The following ZFP64 variants were observed in gnomAD, a reference collection of about 807,000 sequenced individuals.
ZFP64 encodes ZFP64 zinc finger protein, also known as zinc finger protein 64.
A neutral mutation model predicts 51.6 loss-of-function variants in ZFP64; 14 were observed. The observed-to-expected ratio is 0.27, with a 90% CI of 0.18 to 0.42. ZFP64 has a LOEUF of 0.42. Among genes scored for constraint, ZFP64 ranks in the 10% least tolerant of loss-of-function variants. ZFP64 has a pLI of 1.00. For missense variants in ZFP64, 754 were observed against 906.8 expected (o/e 0.83, Z 2.16); for synonymous variants, 375 against 361.4 (o/e 1.04, Z -0.43).
chr20:52,182,484 CA>C (rs1983681564), intron 2 of ZFP64, among the ~76,000 whole-genome samples: 1 of 152,108 alleles, frequency 6.6e-6, no homozygotes, highest in Non-Finnish European at 1.5e-5. Context: ...TTTGGGAGCC[CA>C]AGATGGGAGG....
chr20:52,172,424 A>G (rs568471513), intron 2 of ZFP64, among the ~76,000 whole-genome samples: 42 of 152,238 alleles, frequency 2.8e-4, no homozygotes, highest in African/African-American at 9.9e-4. Context: ...CAAGTCGGGC[A>G]CACTGCAAGT....
At chr20:52,087,317 G>C (rs1025556807) in intron 8 of ZFP64, among the ~76,000 whole-genome samples, 1 of 152,068 alleles carries the variant, frequency 6.6e-6, no homozygotes, top group Non-Finnish European at 1.5e-5. Flanking sequence ...TCAGAAACCA[G>C]ACTTCAGGAC....
At chr20:52,173,872 ACTCCCGACCTCAAGTAAT>A (rs1982958760) in intron 2 of ZFP64, among the ~76,000 whole-genome samples, 1 of 151,030 alleles carries the variant, frequency 6.6e-6, no homozygotes, top group Admixed American at 6.6e-5. Flanking sequence ...CTCATCTTGA[ACTCCCGACCTCAAGTAAT>A]CTCCCTGCCT....
At chr20:52,098,630 C>A (rs772014454) in intron 5 of ZFP64, 1 of 1,612,590 alleles carries the variant, frequency 6.2e-7, no homozygotes, top group Non-Finnish European at 8.5e-7. Flanking sequence ...CATTTATAAC[C>A]ACCATGCTAA....
chr20:52,120,878 T>C (rs1426308034), intron 5 of ZFP64, among the ~76,000 whole-genome samples: 2 of 152,070 alleles, frequency 1.3e-5, no homozygotes, highest in Non-Finnish European at 2.9e-5. Flanking sequence ...GGTTTCGCCA[T>C]GTTGGCCAGG....
At chr20:52,176,373 C>T (rs972030163) in intron 2 of ZFP64, among the ~76,000 whole-genome samples, 1 of 152,054 alleles carries the variant, frequency 6.6e-6, no homozygotes, top group Non-Finnish European at 1.5e-5. Flanking sequence ...ACCACAATCT[C>T]TCTAAAATGT....
chr20:52,128,912 T>A (rs565731136), intron 5 of ZFP64, among the ~76,000 whole-genome samples: 4 of 138,742 alleles, frequency 2.9e-5, no homozygotes, highest in East Asian at 3.9e-4. Flanking sequence ...GACCTTTTTT[T>A]AAATTTTCTT....
intron 5 of ZFP64, among the ~76,000 whole-genome samples, chr20:52,130,970 G>C (rs1979695354): frequency 6.6e-6 from 1 of 152,066 alleles, no homozygotes; most frequent in African/African-American, 2.4e-5. Context: ...GGAGGCTGAA[G>C]CAGGAGTATG....
chr20:52,102,742 G>T (rs377476451), intron 5 of ZFP64, among the ~76,000 whole-genome samples: 2 of 152,278 alleles, frequency 1.3e-5, no homozygotes, highest in East Asian at 3.9e-4. Flanking sequence ...GTGTCCCACT[G>T]GATAAGCTAC....
chr20:52,151,151 TA>T, downstream of ZFP64: 1 of 761,576 alleles, frequency 1.3e-6, no homozygotes, highest in Non-Finnish European at 1.6e-6. Context: ...GTGGAGGAGG[TA>T]AGATGATTGT....
intron 7 of ZFP64, among the ~76,000 whole-genome samples, chr20:52,095,087 A>T (rs2078974127): frequency 6.6e-6 from 1 of 152,248 alleles, no homozygotes; most frequent in Non-Finnish European, 1.5e-5. Context: ...TAAGCAATCC[A>T]AAAGAACCAC....
intron 5 of ZFP64, among the ~76,000 whole-genome samples, chr20:52,138,477 GA>G (rs965471921): frequency 1.4e-4 from 21 of 146,656 alleles, no homozygotes; most frequent in African/African-American, 3.0e-4. Context: ...CCAGGCAAAT[GA>G]AAAAAAAATA....
chr20:52,117,484 TGGTG>T lies in ZFP64; in HGVS notation c.764-18901_764-18898del, dbSNP rs535267628. On this transcript the variant is annotated intron_variant, in intron 5 of 8. Coordinates refer to the ZFP64 transcript ENST00000361387. ...AAACTAAAAAATCAGCTAGGCATGG[TGGTG>T]GGCACCTGTAATCCCAGCTACTCGG... is the stretch of plus-strand genomic sequence containing the variant. 2.0e-3 allele frequency among the ~76,000 whole-genome samples: 299 copies of T among 152,178 alleles called. 1 individual carries two copies. Among genetic ancestry groups the T allele is most frequent in the African/African-American group, 6.8e-3 (284 of 41,526 alleles).
At chr20:52,084,539 C>T in exon 9 of ZFP64, 5 of 1,601,156 alleles carry the variant, frequency 3.1e-6, no homozygotes, top group East Asian at 2.2e-5. Flanking sequence ...CGACAGCTGA[C>T]CACCCTCTTC....
At chr20:52,092,337 G>T (rs1209314069) in intron 7 of ZFP64, among the ~76,000 whole-genome samples, 2 of 152,060 alleles carry the variant, frequency 1.3e-5, no homozygotes, top group African/African-American at 2.4e-5. Flanking sequence ...TTCTCCAGTT[G>T]TAACAATCGA....
chr20:52,162,658 A>C (rs909393278), intron 4 of ZFP64, among the ~76,000 whole-genome samples: 3 of 152,150 alleles, frequency 2.0e-5, no homozygotes, highest in South Asian at 4.1e-4. Flanking sequence ...AAACACAAAC[A>C]AACAAAAATT....
intron 2 of ZFP64, among the ~76,000 whole-genome samples, chr20:52,181,858 A>G (rs916922068): frequency 8.5e-5 from 13 of 152,208 alleles, no homozygotes; most frequent in African/African-American, 9.6e-5. Context: ...CTTGAAGCAC[A>G]ATAGGAGGAA....
chr20:52,133,849 T>A (rs2122888335), intron 5 of ZFP64, among the ~76,000 whole-genome samples: 1 of 152,034 alleles, frequency 6.6e-6, no homozygotes, highest in East Asian at 1.9e-4. Context: ...GGCAACATTG[T>A]AAGACCCTGT....
chr20:52,165,822 T>C (rs1233851534), intron 3 of ZFP64, 42 bp downstream of exon 3: 1 of 1,612,702 alleles, frequency 6.2e-7, no homozygotes, highest in East Asian at 2.2e-5. Flanking sequence ...CCTGGTTAAA[T>C]ATCACACCCT....
Sources: allele counts gnomAD v4.1 joint callset (sites outside exome capture counted in the v4.1 genomes callset), GRCh38; gene constraint gnomAD v4.1.1; transcripts MANE v1.5; gene names NCBI Gene and HGNC (gene_info 2026-07-23, HGNC 2026-07-21).